CD99: variants seen among roughly 807,000 people sequenced by gnomAD.
The protein encoded by CD99 is CD99 molecule (Xg blood group).
CD99 carries 19 observed loss-of-function variants against 28.4 expected under a neutral mutation model. The observed-to-expected ratio is 0.67, with a 90% CI of 0.47 to 0.98. The LOEUF (loss-of-function observed/expected upper bound fraction) is 0.98, where lower values mean the gene tolerates loss of function less well. Ranked by LOEUF, CD99 falls within the 50% of genes least tolerant of loss-of-function variation. The probability of loss-of-function intolerance (pLI) is 0.00; values close to 1 mark genes in which losing one functional copy is unlikely to be tolerated. For synonymous variants in CD99, 103 were observed against 92.1 expected (o/e 1.12, Z -0.67); for missense variants, 283 against 248.8 (o/e 1.14, Z -0.92).
At chrX:2,693,826 C>T (rs1429412223) in intron 1 of CD99, among the ~76,000 whole-genome samples, 1 of 152,140 alleles carries the variant, frequency 6.6e-6, no homozygotes, top group African/African-American at 2.4e-5. Context: ...GCGACGTTGG[C>T]CCCGAGGAGA....
At chrX:2,703,311 A>G (rs1285353196) in intron 1 of CD99, among the ~76,000 whole-genome samples, 2 of 152,280 alleles carry the variant, frequency 1.3e-5, no homozygotes, top group Admixed American at 6.5e-5. Context: ...GAAAGCTGGC[A>G]TGGTCTCACG....
chrX:2,709,468 TACAC>T (rs1474095645), intron 1 of CD99, among the ~76,000 whole-genome samples: 3 of 152,218 alleles, frequency 2.0e-5, no homozygotes, highest in African/African-American at 7.2e-5. Context: ...TGTGCACATA[TACAC>T]ATGCAAACAG....
chrX:2,695,489 A>G (rs2047529911), intron 1 of CD99, among the ~76,000 whole-genome samples: 1 of 152,014 alleles, frequency 6.6e-6, no homozygotes, highest in Non-Finnish European at 1.5e-5. Context: ...AGGGCTCACT[A>G]CAGCCTCCAC....
At chrX:2,708,520 G>T (rs1291887342) in intron 1 of CD99, among the ~76,000 whole-genome samples, 3 of 152,150 alleles carry the variant, frequency 2.0e-5, no homozygotes, top group African/African-American at 7.2e-5. Flanking sequence ...AATGCTTGGG[G>T]TTGTCTCTCC....
chrX:2,717,240 C>G (rs1234790147), intron 2 of CD99: 1 of 195,050 alleles, frequency 5.1e-6, no homozygotes, highest in Non-Finnish European at 1.0e-5. Context: ...CCCAGCTACT[C>G]GGGAGGCTGA....
chrX:2,696,646 G>A (rs1407472178), intron 1 of CD99, among the ~76,000 whole-genome samples: 1 of 152,020 alleles, frequency 6.6e-6, no homozygotes, highest in Non-Finnish European at 1.5e-5. Context: ...CAGGTGATCC[G>A]CCCGCCTCGG....
intron 7 of CD99, among the ~76,000 whole-genome samples, chrX:2,725,724 T>C (rs947159583): frequency 2.0e-5 from 3 of 152,116 alleles, no homozygotes; most frequent in African/African-American, 4.8e-5. Flanking sequence ...AGCGATTCTC[T>C]GGACTCAGCC....
At chrX:2,701,587 C>G (rs1027085572) in intron 1 of CD99, among the ~76,000 whole-genome samples, 8 of 27,052 alleles carry the variant, frequency 3.0e-4, no homozygotes, top group African/African-American at 1.9e-3. Flanking sequence ...GAGGAAGGGC[C>G]TCTTCTCAGC....
chrX:2,706,808 ATTTT>A (rs965636830), intron 1 of CD99, among the ~76,000 whole-genome samples: 1 of 151,666 alleles, frequency 6.6e-6, no homozygotes, highest in African/African-American at 2.4e-5. Flanking sequence ...GAACTGCCTA[ATTTT>A]TTTTAATTAA....
chrX:2,730,685 A>G (rs1188361885), intron 8 of CD99, among the ~76,000 whole-genome samples: 1 of 152,024 alleles, frequency 6.6e-6, no homozygotes, highest in Non-Finnish European at 1.5e-5. Flanking sequence ...CCTTTTGTAA[A>G]TGCACAAAGC....
At chrX:2,716,314 G>A (rs1350292742) in intron 2 of CD99, among the ~76,000 whole-genome samples, 2 of 151,624 alleles carry the variant, frequency 1.3e-5, no homozygotes, top group Non-Finnish European at 2.9e-5. Flanking sequence ...ACTGAGCCCA[G>A]CCACCCTCTT....
chrX:2,720,240 C>G, intron 4 of CD99, 116 bp from the exon 5 acceptor site: 4 of 877,188 alleles, frequency 4.6e-6, no homozygotes, highest in Non-Finnish European at 5.8e-6. Flanking sequence ...GGTATCCCCA[C>G]CAGGACAAAG....
intron 2 of CD99, among the ~76,000 whole-genome samples, chrX:2,716,005 C>G: frequency 6.6e-6 from 1 of 151,092 alleles, no homozygotes; most frequent in East Asian, 1.9e-4. Context: ...CAACCCAGGA[C>G]AGCCCTCTTC....
chrX:2,739,290 A>G (rs1480828216), intron 9 of CD99, among the ~76,000 whole-genome samples: 1 of 152,160 alleles, frequency 6.6e-6, no homozygotes, highest in Non-Finnish European at 1.5e-5. Flanking sequence ...CACTTTTGAA[A>G]ATGGCAAGAA....
intron 1 of CD99, among the ~76,000 whole-genome samples, chrX:2,709,979 T>A (rs1313644282): frequency 6.6e-6 from 1 of 151,696 alleles, no homozygotes; most frequent in Non-Finnish European, 1.5e-5. Flanking sequence ...AAAAAAAAAA[T>A]GTGTACCACA....
intron 1 of CD99, among the ~76,000 whole-genome samples, chrX:2,701,777 G>A (rs1044556348): frequency 5.9e-5 from 9 of 152,216 alleles, no homozygotes; most frequent in African/African-American, 9.6e-5. Flanking sequence ...CCTAAGGCCC[G>A]TCTTTGGGTA....
chrX:2,701,592 C>G (rs1478859897), intron 1 of CD99, among the ~76,000 whole-genome samples: 4 of 125,870 alleles, frequency 3.2e-5, no homozygotes, highest in Non-Finnish European at 6.9e-5. Flanking sequence ...AGGGCCTCTT[C>G]TCAGCCTGGT....
intron 1 of CD99, among the ~76,000 whole-genome samples, chrX:2,713,396 C>T (rs1165257780): frequency 7.9e-6 from 1 of 126,460 alleles, no homozygotes; most frequent in Admixed American, 7.4e-5. Flanking sequence ...CATACACAAA[C>T]CCACACATAC....
intron 9 of CD99, among the ~76,000 whole-genome samples, chrX:2,740,017 G>A (rs189886741): frequency 1.4e-3 from 210 of 151,678 alleles, no homozygotes; most frequent in African/African-American, 4.8e-3. Flanking sequence ...GCTTGAACCC[G>A]GGAGGCGGAG....
Sources: allele counts gnomAD v4.1 joint callset (sites outside exome capture counted in the v4.1 genomes callset), GRCh38; gene constraint gnomAD v4.1.1; transcripts MANE v1.5; gene names NCBI Gene and HGNC (gene_info 2026-07-23, HGNC 2026-07-21).